SLC6A2: variants seen among roughly 807,000 people sequenced by gnomAD.
SLC6A2 encodes sodium-dependent noradrenaline transporter.
A neutral mutation model predicts 71.7 loss-of-function variants in SLC6A2; 26 were observed. The ratio of observed to expected loss-of-function variants is 0.36; its 90% CI spans 0.27 to 0.50. The LOEUF is 0.50. Among genes scored for constraint, SLC6A2 ranks in the 20% least tolerant of loss-of-function variants. The pLI is 0.96. For missense variants in SLC6A2, 581 were observed against 803.9 expected, an observed-to-expected ratio of 0.72 and a Z score of 3.35; for synonymous variants, 363 against 337.9, an observed-to-expected ratio of 1.07 and a Z score of -0.82.
chr16:55,685,425 C>A, intron 5 of SLC6A2, 144 bp downstream of exon 5: 1 of 842,872 alleles, frequency 1.2e-6, no homozygotes, highest in Non-Finnish European at 2.0e-6. Flanking sequence ...TGTTCTGCCA[C>A]TGACTTGGAC....
At chr16:55,661,442 A>G (rs1964607167) in intron 2 of SLC6A2, among the ~76,000 whole-genome samples, 2 of 152,236 alleles carry the variant, frequency 1.3e-5, no homozygotes, top group African/African-American at 2.4e-5. Flanking sequence ...GTGAGATGGC[A>G]TCAGAGACAA....
At chr16:55,700,088 G>A (rs759879754) in intron 12 of SLC6A2, 51 bp from the exon 13 acceptor site, 10 of 1,514,944 alleles carry the variant, frequency 6.6e-6, no homozygotes, top group South Asian at 1.1e-5. Flanking sequence ...TTCCTTTCTT[G>A]TCTCTCTTCT....
chr16:55,693,024 T>C (rs1325941029), intron 6 of SLC6A2, among the ~76,000 whole-genome samples: 1 of 152,180 alleles, frequency 6.6e-6, no homozygotes, highest in Non-Finnish European at 1.5e-5. Flanking sequence ...CTCAGTGCAG[T>C]CTCAAGGAGC....
chr16:55,686,594 T>C (rs894313464), intron 5 of SLC6A2, among the ~76,000 whole-genome samples: 2 of 152,158 alleles, frequency 1.3e-5, no homozygotes, highest in African/African-American at 4.8e-5. Context: ...AGGCAACTGA[T>C]TTTGGAAAGG....
chr16:55,699,662 G>C lies in SLC6A2; in HGVS notation c.1590+8G>C, dbSNP rs778767065. On this transcript the variant is annotated splice_region_variant and intron_variant, in intron 12 of 14. Coordinates refer to ENST00000568943, the MANE Select transcript of SLC6A2 (RefSeq NM_001172501.3). ...AGTCCTGCCTTCCTCCTGGTGTGTA[G>C]TGTCTGCAGGGAAGTCCTGCATGTG... 1.3e-6 allele frequency: 2 copies of C among 1,595,830 alleles called. No individual in the cohort carries two copies.
intron 2 of SLC6A2, among the ~76,000 whole-genome samples, chr16:55,657,454 C>T (rs555352102): frequency 2.0e-4 from 30 of 152,176 alleles, no homozygotes; most frequent in Non-Finnish European, 4.4e-4. Context: ...GGGGCAGGAA[C>T]CTTTGGGCCA....
chr16:55,695,529 AC>A, intron 8 of SLC6A2, 127 bp downstream of exon 8: 2 of 1,047,390 alleles, frequency 1.9e-6, no homozygotes, highest in Non-Finnish European at 2.9e-6. Context: ...TGTCCAAACC[AC>A]CCATGTGATT....
rs138200489 is a variant in SLC6A2 at position 55,682,029 on chromosome 16, C to T, written c.645-3114C>T. On this transcript the variant is annotated intron_variant, in intron 4 of 14. Transcript: ENST00000568943. ...TCAAGCAATTCTCATGCTTCAGTCT[C>T]CCAAGTAGCTGGGATTACAGGCATG... Among the ~76,000 whole-genome samples the T allele has an allele frequency of 2.1e-4, 32 of 152,312 alleles. 2 individuals carry two copies. The East Asian group carries it at 5.6e-3, about 27-fold the overall frequency.
In SLC6A2 at chr16:55,702,644, C is replaced by G; in HGVS notation, c.*298C>G. 1.5e-6 allele frequency: 2 copies of G among 1,333,088 alleles called. No individual in the cohort carries two copies. Among genetic ancestry groups the G allele is most frequent in the Non-Finnish European group, 1.9e-6 (2 of 1,037,962 alleles). The allele number at this position is 1,333,088 out of a possible 1,614,324, so 82.6% of individuals were successfully genotyped here. A position where few individuals can be genotyped will look rare whatever the true frequency, so the allele number is the denominator to read the frequency against. ...TTTGGGATCCTGCTGAAGCTAGGTTCATGAGGTCGGAAATCCCCACCACAT... is the reference window on the plus strand; with the variant it reads ...TTTGGGATCCTGCTGAAGCTAGGTTGATGAGGTCGGAAATCCCCACCACAT... On this transcript the variant is annotated 3_prime_UTR_variant, in exon 15 of 15. Transcript: ENST00000568943.
chr16:55,705,028 T>C lies in SLC6A2; in HGVS notation c.*2682T>C. The C allele has an allele frequency of 2.0e-6, 1 of 503,092 alleles. No homozygotes were observed. The highest frequency in any genetic ancestry group is 3.5e-6 in the Non-Finnish European group (1 of 285,854). 31.2% of individuals were successfully genotyped at this position (503,092 alleles called of 1,614,324 possible). ...TGACTTCCTTTTTGTAGCTTGTTTT[T>C]AATAGCAGAGGTCACCCGGGACAAG... On this transcript the variant is annotated 3_prime_UTR_variant, in exon 15 of 15. Transcript: ENST00000568943.
rs752693010 is a variant in SLC6A2 at position 55,660,402 on chromosome 16, A to G, written c.274+3434A>G. On this transcript the variant is annotated intron_variant, in intron 2 of 14. Coordinates refer to ENST00000568943, the MANE Select transcript of SLC6A2 (RefSeq NM_001172501.3). ...GCAGTGCAGCCCTCCATCTCAGACT[A>G]TGAGGTAACTCCTTCTCTCACTTAC... 3.2e-4 allele frequency among the ~76,000 whole-genome samples: 48 copies of G among 152,306 alleles called. No homozygotes were observed. In the Middle Eastern group the frequency reaches 0.014, roughly 43 times the overall value.
chr16:55,668,983 G>A (rs1964828389), intron 2 of SLC6A2, among the ~76,000 whole-genome samples: 1 of 152,162 alleles, frequency 6.6e-6, no homozygotes, highest in African/African-American at 2.4e-5. Context: ...ACCCTGACTG[G>A]TTATTATGTT....
chr16:55,705,560 G>A lies in SLC6A2; in HGVS notation c.*3214G>A. 2 of 331,932 alleles carry A rather than the reference G, an allele frequency of 6.0e-6. No individual in the cohort carries two copies. The highest frequency in any genetic ancestry group is 1.1e-5 in the Non-Finnish European group (2 of 183,732). 20.6% of individuals were successfully genotyped at this position (331,932 alleles called of 1,614,324 possible). On this transcript the variant is annotated 3_prime_UTR_variant, in exon 15 of 15. Coordinates refer to ENST00000568943, the MANE Select transcript of SLC6A2 (RefSeq NM_001172501.3). ...CAGCTGACTAGCTGGGTGGCCTGGG[G>A]ATAGTGGCTTCATCTTTTGGGGCTT...
chr16:55,679,944 G>C (rs1965218310), intron 4 of SLC6A2, among the ~76,000 whole-genome samples: 1 of 152,192 alleles, frequency 6.6e-6, no homozygotes, highest in Non-Finnish European at 1.5e-5. Context: ...ACACTGTCTT[G>C]TGTATCTGTG....
At position 55,656,687 on chromosome 16, in the gene SLC6A2, C is replaced by A. The variant is rs1470443725; in HGVS notation, c.-8C>A. 6.2e-7 allele frequency: 1 copy of A among 1,611,834 alleles called. No homozygotes were observed. Among genetic ancestry groups the A allele is most frequent in the Non-Finnish European group, 8.5e-7 (1 of 1,179,886 alleles). On this transcript the variant is annotated 5_prime_UTR_variant, in exon 2 of 15. Coordinates refer to ENST00000568943, the MANE Select transcript of SLC6A2 (RefSeq NM_001172501.3). This position sits in a 1 kb window ranked among gnomAD's most constrained non-coding sequence, Gnocchi z 4.5. ...GGACCGGTAAAGTTCCTCTCGCCAG[C>A]CGCATCCATGCTTCTGGCGCGGATG... is the stretch of plus-strand genomic sequence containing the variant.
At chr16:55,701,285 G>A (rs768828238) in intron 13 of SLC6A2, among the ~76,000 whole-genome samples, 5 of 152,124 alleles carry the variant, frequency 3.3e-5, no homozygotes, top group South Asian at 2.1e-4. Context: ...GTCTGGTTCC[G>A]GGTCACTGGG....
chr16:55,676,132 T>G (rs1261096018), intron 4 of SLC6A2, among the ~76,000 whole-genome samples: 2 of 152,152 alleles, frequency 1.3e-5, no homozygotes, highest in African/African-American at 4.8e-5. Context: ...TATGTAAAAA[T>G]TATGTGTTTT....
rs1966081673 is a variant in SLC6A2 at position 55,705,468 on chromosome 16, G to GA, written c.*3127dup. 1.8e-6 allele frequency: 1 copy of GA among 545,586 alleles called. No individual in the cohort carries two copies. Among genetic ancestry groups the GA allele is most frequent in the Non-Finnish European group, 3.2e-6 (1 of 309,436 alleles). The allele number at this position is 545,586 out of a possible 1,614,324, so 33.8% of individuals were successfully genotyped here. A position where few individuals can be genotyped will look rare whatever the true frequency, so the allele number is the denominator to read the frequency against. ...TTTCCTTCGAAAGCCACCGAAGAGA[G>GA]AAAAACAGAGAAGGTGTGTAGTGTG... On this transcript the variant is annotated 3_prime_UTR_variant, in exon 15 of 15. Transcript: ENST00000568943.
At chr16:55,669,162 G>A (rs895392439) in intron 2 of SLC6A2, among the ~76,000 whole-genome samples, 1 of 152,112 alleles carries the variant, frequency 6.6e-6, no homozygotes, top group African/African-American at 2.4e-5. Flanking sequence ...GTAAAAGGAA[G>A]GGTTTGGGTT....
Sources: allele counts gnomAD v4.1 joint callset (sites outside exome capture counted in the v4.1 genomes callset), GRCh38; gene constraint gnomAD v4.1.1; non-coding constraint Gnocchi (gnomAD v3.1); transcripts MANE v1.5; gene names NCBI Gene and HGNC (gene_info 2026-07-23, HGNC 2026-07-21).